Variants in CUX1 observed in about 807,000 individuals in gnomAD.
CUX1 encodes protein CASP.
CUX1 carries 31 observed loss-of-function variants against 158.8 expected under a neutral mutation model. The ratio of observed to expected loss-of-function variants is 0.20; its 90% confidence interval spans 0.15 to 0.26. The LOEUF (loss-of-function observed/expected upper bound fraction) is 0.26. Among genes scored for constraint, CUX1 ranks in the 10% least tolerant of loss-of-function variants. CUX1 has a pLI of 1.00. For synonymous variants in CUX1, 879 were observed against 862.1 expected (o/e 1.02, Z -0.34); for missense variants, 1,589 against 2,014.6 (o/e 0.79, Z 4.04).
chr7:101,886,043 TG>T (rs1306085850), intron 1 of CUX1, among the ~76,000 whole-genome samples: 28 of 152,124 alleles, frequency 1.8e-4, no homozygotes, highest in Non-Finnish European at 3.8e-4. Flanking sequence ...CATGCCTCTG[TG>T]GGGGACACTC....
At chr7:102,124,106 G>A (rs552530906) in intron 8 of CUX1, among the ~76,000 whole-genome samples, 3 of 152,266 alleles carry the variant, frequency 2.0e-5, no homozygotes, top group Non-Finnish European at 4.4e-5. Context: ...CACTGTTAAG[G>A]TAAGCCTAGG....
At chr7:101,878,668 G>T (rs1799409438) in intron 1 of CUX1, among the ~76,000 whole-genome samples, 1 of 151,758 alleles carries the variant, frequency 6.6e-6, no homozygotes, top group Admixed American at 6.6e-5. Context: ...CGGCTTACAA[G>T]ATCTTTTTTT....
chr7:101,843,129 G>A (rs1795345265), intron 1 of CUX1, among the ~76,000 whole-genome samples: 1 of 152,008 alleles, frequency 6.6e-6, no homozygotes, highest in South Asian at 2.1e-4. Context: ...GCCTCCCAAA[G>A]TGCTGGGATT....
intron 2 of CUX1, among the ~76,000 whole-genome samples, chr7:101,978,086 C>A (rs151222608): frequency 6.6e-6 from 1 of 151,978 alleles, no homozygotes; most frequent in Admixed American, 6.6e-5. Context: ...ACATAAGTCT[C>A]GGGGACCTGC....
chr7:102,043,260 G>A (rs552173416), intron 3 of CUX1, among the ~76,000 whole-genome samples: 1 of 151,012 alleles, frequency 6.6e-6, no homozygotes, highest in Non-Finnish European at 1.5e-5. Context: ...CCAATGTGAT[G>A]TTTTGATACA....
intron 9 of CUX1, among the ~76,000 whole-genome samples, chr7:102,166,470 G>A (rs998918603): frequency 3.3e-5 from 5 of 152,116 alleles, no homozygotes; most frequent in Admixed American, 6.5e-5. Context: ...TCTCAGGGCC[G>A]CCACCGCTAG....
intron 20 of CUX1, among the ~76,000 whole-genome samples, chr7:102,216,564 ACTCC>A (rs1797106813): frequency 1.4e-5 from 1 of 71,638 alleles, no homozygotes; most frequent in Non-Finnish European, 2.7e-5. Flanking sequence ...ACGCACACAC[ACTCC>A]CACACACACA....
chr7:102,016,704 G>T (rs565145417), intron 2 of CUX1, among the ~76,000 whole-genome samples: 1 of 152,288 alleles, frequency 6.6e-6, no homozygotes, highest in East Asian at 1.9e-4. Flanking sequence ...AATCCACATT[G>T]TTCCCAGTTG....
chr7:102,109,989 A>G (rs2131054618), intron 6 of CUX1, among the ~76,000 whole-genome samples: 1 of 152,276 alleles, frequency 6.6e-6, no homozygotes, highest in East Asian at 1.9e-4. Context: ...AATAAGAATG[A>G]GGGAGAACTA....
chr7:102,114,536 C>T (rs980093722), intron 7 of CUX1, among the ~76,000 whole-genome samples: 2 of 152,184 alleles, frequency 1.3e-5, no homozygotes, highest in African/African-American at 4.8e-5. Flanking sequence ...GTCAGCCTCC[C>T]AAAGTGTGAG....
At position 102,082,318 on chromosome 7, in the gene CUX1, G is replaced by T. The variant is rs992739614; in HGVS notation, c.268+11901G>T. On this transcript the variant is annotated intron_variant, in intron 4 of 23. Coordinates refer to ENST00000292535, the MANE Select transcript of CUX1 (RefSeq NM_181552.4). ...AGGGCAGGCGGATCACCTGAGGTCA[G>T]GAGTTCGAGACCAGCCTGGCCAACA... 3.2e-4 allele frequency among the ~76,000 whole-genome samples: 47 copies of T among 146,840 alleles called. 1 individual carries two copies. The highest frequency in any genetic ancestry group is 1.0e-3 in the African/African-American group (43 of 41,178).
chr7:102,237,427 G>T (rs1260106464), intron 22 of CUX1, among the ~76,000 whole-genome samples: 1 of 151,854 alleles, frequency 6.6e-6, no homozygotes, highest in Non-Finnish European at 1.5e-5. Context: ...GGGACTACAG[G>T]TGCACGCCAC....
At chr7:101,927,742 G>T (rs912605145) in intron 2 of CUX1, among the ~76,000 whole-genome samples, 25 of 152,332 alleles carry the variant, frequency 1.6e-4, no homozygotes, top group Admixed American at 4.6e-4. Flanking sequence ...TGGGCCAAAG[G>T]CCCAGAAATT....
intron 4 of CUX1, among the ~76,000 whole-genome samples, chr7:102,074,794 C>T (rs1012356010): frequency 7.2e-5 from 11 of 152,224 alleles, no homozygotes; most frequent in African/African-American, 2.4e-4. Context: ...CGGCAGAAGC[C>T]GTCTTCTTAC....
At chr7:101,966,549 C>G (rs1024560561) in intron 2 of CUX1, among the ~76,000 whole-genome samples, 4 of 152,040 alleles carry the variant, frequency 2.6e-5, no homozygotes, top group African/African-American at 9.7e-5. Flanking sequence ...AACCCCAGCT[C>G]TGATTTTTCT....
intron 8 of CUX1, among the ~76,000 whole-genome samples, chr7:102,117,067 T>C (rs997437740): frequency 1.3e-5 from 2 of 152,074 alleles, no homozygotes; most frequent in Non-Finnish European, 2.9e-5. Context: ...ACAGGGAGCC[T>C]GCAGGTGGCA....
At chr7:102,009,271 G>C (rs1817721384) in intron 2 of CUX1, among the ~76,000 whole-genome samples, 1 of 152,214 alleles carries the variant, frequency 6.6e-6, no homozygotes, top group Admixed American at 6.5e-5. Flanking sequence ...AGCAAGCACA[G>C]TGGAGTGGCT....
intron 1 of CUX1, among the ~76,000 whole-genome samples, chr7:101,822,004 G>A (rs1792695546): frequency 1.3e-5 from 2 of 151,632 alleles, no homozygotes; most frequent in Non-Finnish European, 2.9e-5. Context: ...ACAGGCGCCC[G>A]CCACCACGCC....
Position 102,234,261 on chromosome 7 carries a change from C to T in CUX1, c.3622+21C>T, listed in dbSNP as rs144502164. On this transcript the variant is annotated intron_variant, in intron 22 of 23. Coordinates refer to ENST00000292535, the MANE Select transcript of CUX1 (RefSeq NM_181552.4). ...GAAAGGTAAGTCTCCCTGCCCCGCC[C>T]GGGCCGGCTGCGTCCGCATTCATAG... is the stretch of plus-strand genomic sequence containing the variant. The T allele has an allele frequency of 5.7e-4, 855 of 1,498,592 alleles. 4 individuals carry two copies. In the African/African-American group the frequency reaches 9.9e-3, roughly 17 times the overall value. The allele number at this position is 1,498,592 out of a possible 1,614,324, so 92.8% of individuals were successfully genotyped here.
Sources: gnomAD v4.1 joint callset for allele counts (sites outside exome capture counted in the v4.1 genomes callset) on GRCh38, gnomAD v4.1.1 for gene constraint, MANE v1.5 for transcripts, NCBI Gene and HGNC (gene_info 2026-07-23, HGNC 2026-07-21) for gene names.